Variants in TENM3 observed in about 807,000 individuals in gnomAD.
TENM3 encodes teneurin-3.
In TENM3, 63 loss-of-function variants were observed where a neutral mutation model predicts 255.1. The observed-to-expected ratio is 0.25, with a 90% CI of 0.20 to 0.30. The LOEUF is 0.30. Among genes scored for constraint, TENM3 ranks in the 10% least tolerant of loss-of-function variants. The pLI is 1.00. For synonymous variants in TENM3, 1,306 were observed against 1,322.3 expected (o/e 0.99, Z 0.27); for missense variants, 2,929 against 3,461.1 (o/e 0.85, Z 3.86).
intron 3 of TENM3, among the ~76,000 whole-genome samples, chr4:182,555,733 T>C (rs980993425): frequency 6.6e-6 from 1 of 152,208 alleles, no homozygotes; most frequent in African/African-American, 2.4e-5. Context: ...AATGCAATAA[T>C]GTATTTATTG....
the TENM3 span, among the ~76,000 whole-genome samples, chr4:181,592,324 C>T: frequency 1.4e-5 from 2 of 139,494 alleles, no homozygotes; most frequent in Non-Finnish European, 3.1e-5. Flanking sequence ...ATACAACAGA[C>T]CATATGGCTC....
chr4:182,274,682 G>A (rs1383440073), intron 1 of TENM3, among the ~76,000 whole-genome samples: 5 of 152,128 alleles, frequency 3.3e-5, no homozygotes, highest in Non-Finnish European at 1.5e-5. Flanking sequence ...TTAAAGCTGA[G>A]GTCATTTGAC....
the TENM3 span, among the ~76,000 whole-genome samples, chr4:182,126,190 C>T: frequency 1.3e-5 from 2 of 152,064 alleles, no homozygotes; most frequent in Admixed American, 6.5e-5. Flanking sequence ...CGAGACATGA[C>T]TCATTCCATA....
chr4:182,748,350 A>C (rs1425915895), intron 19 of TENM3, among the ~76,000 whole-genome samples: 1 of 152,200 alleles, frequency 6.6e-6, no homozygotes, highest in Non-Finnish European at 1.5e-5. Flanking sequence ...AGCATTTTGA[A>C]AATCCCTGTG....
At chr4:182,209,716 G>A (rs1020259867) in intron 1 of TENM3, among the ~76,000 whole-genome samples, 1 of 152,108 alleles carries the variant, frequency 6.6e-6, no homozygotes, top group Non-Finnish European at 1.5e-5. Context: ...TACAGTAGCT[G>A]AATAGGACCT....
At chr4:182,786,179 A>C (rs1359312465) in intron 24 of TENM3, among the ~76,000 whole-genome samples, 1 of 152,008 alleles carries the variant, frequency 6.6e-6, no homozygotes, top group East Asian at 1.9e-4. Flanking sequence ...GTGCTTGTCC[A>C]AGGCACGCAC....
At chr4:182,778,320 T>C (rs896887902) in intron 24 of TENM3, among the ~76,000 whole-genome samples, 13 of 152,202 alleles carry the variant, frequency 8.5e-5, no homozygotes, top group African/African-American at 3.1e-4. Context: ...AAACGTGTGT[T>C]TAAAGGCATG....
the TENM3 span, among the ~76,000 whole-genome samples, chr4:181,665,565 T>A: frequency 3.5e-4 from 54 of 152,258 alleles, no homozygotes; most frequent in Middle Eastern, 3.4e-3. Context: ...ACATACGGTG[T>A]GTGTATATAT....
the TENM3 span, among the ~76,000 whole-genome samples, chr4:181,785,947 T>C: frequency 1.1e-4 from 16 of 152,154 alleles, no homozygotes; most frequent in Admixed American, 3.3e-4. Flanking sequence ...TATCACCGCA[T>C]ATAAATGAAA....
the TENM3 span, among the ~76,000 whole-genome samples, chr4:181,579,944 ATT>A: frequency 3.3e-4 from 6 of 18,138 alleles, no homozygotes; most frequent in South Asian, 0.024. Flanking sequence ...ATTTTATTTT[ATT>A]TTATTTTATT....
At chr4:182,295,620 A>T (rs1761438898) in intron 1 of TENM3, among the ~76,000 whole-genome samples, 1 of 152,128 alleles carries the variant, frequency 6.6e-6, no homozygotes, top group African/African-American at 2.4e-5. Context: ...CCTTGTAGCA[A>T]AAACAAATGT....
the TENM3 span, among the ~76,000 whole-genome samples, chr4:182,090,882 C>T: frequency 6.6e-6 from 1 of 152,106 alleles, no homozygotes; most frequent in Admixed American, 6.5e-5. Flanking sequence ...AAATAATAAC[C>T]ATTTATTTAA....
the TENM3 span, among the ~76,000 whole-genome samples, chr4:181,742,680 T>A: frequency 2.6e-5 from 4 of 151,778 alleles, no homozygotes; most frequent in African/African-American, 4.9e-5. Flanking sequence ...ATTTTTATTT[T>A]TTTTTATTAT....
the TENM3 span, among the ~76,000 whole-genome samples, chr4:181,996,858 T>C: frequency 6.6e-6 from 1 of 152,132 alleles, no homozygotes; most frequent in African/African-American, 2.4e-5. Flanking sequence ...TGGGATTGAC[T>C]GAGAAAGGAG....
chr4:182,384,843 T>G (rs539038182), intron 3 of TENM3, among the ~76,000 whole-genome samples: 3 of 152,114 alleles, frequency 2.0e-5, no homozygotes, highest in African/African-American at 7.2e-5. Flanking sequence ...CTTTTCAACC[T>G]CCCTCCGTAT....
At chr4:182,663,980 CTTTG>C (rs1402433096) in intron 6 of TENM3, among the ~76,000 whole-genome samples, 1 of 152,182 alleles carries the variant, frequency 6.6e-6, no homozygotes, top group Admixed American at 6.5e-5. Flanking sequence ...CTTAGTGGTA[CTTTG>C]TTTATCTGGT....
chr4:182,310,406 A>G (rs1762373186), intron 1 of TENM3, among the ~76,000 whole-genome samples: 1 of 152,106 alleles, frequency 6.6e-6, no homozygotes. Flanking sequence ...TGCTTCTTCT[A>G]CGTAGACGTC....
chr4:182,792,199 C>T lies in TENM3; in HGVS notation c.5602-75C>T. 7.8e-7 allele frequency: 1 copy of T among 1,288,480 alleles called. No homozygotes were observed. Among genetic ancestry groups the T allele is most frequent in the Non-Finnish European group, 1.1e-6 (1 of 911,618 alleles). The allele number at this position is 1,288,480 out of a possible 1,614,324, so 79.8% of individuals were successfully genotyped here. A position where few individuals can be genotyped will look rare whatever the true frequency, so the allele number is the denominator to read the frequency against. ...TTTTCTCTAGTGGAATGTTTCTGTG[C>T]ATCTGTGGTCACTAAATCTGCTTTT... On this transcript the variant is annotated intron_variant, in intron 25 of 27. Transcript: ENST00000511685. This position sits in a 1 kb window ranked among gnomAD's most constrained non-coding sequence, Gnocchi z 6.3.
chr4:181,737,811 A>C, the TENM3 span, among the ~76,000 whole-genome samples: 1 of 151,652 alleles, frequency 6.6e-6, no homozygotes, highest in Non-Finnish European at 1.5e-5. Flanking sequence ...CCCTAGCTTA[A>C]ATGCAAATAA....
Sources: allele counts gnomAD v4.1 joint callset (sites outside exome capture counted in the v4.1 genomes callset), GRCh38; gene constraint gnomAD v4.1.1; non-coding constraint Gnocchi (gnomAD v3.1); transcripts MANE v1.5; gene names NCBI Gene and HGNC (gene_info 2026-07-23, HGNC 2026-07-21).